The following P4HA1 variants were observed in gnomAD, a reference collection of about 807,000 sequenced individuals.
The protein encoded by P4HA1 is prolyl 4-hydroxylase subunit alpha-1.
A neutral mutation model predicts 72.8 loss-of-function variants in P4HA1; 24 were observed. The observed-to-expected ratio is 0.33, with a 90% confidence interval of 0.24 to 0.46. The LOEUF is 0.46. P4HA1 is among the 20% of genes least tolerant of loss of function. P4HA1 has a pLI of 1.00. For synonymous variants in P4HA1, 201 were observed against 218.8 expected, an observed-to-expected ratio of 0.92 and a Z score of 0.72; for missense variants, 446 against 640.6, an observed-to-expected ratio of 0.70 and a Z score of 3.28.
Position 73,047,166 on chromosome 10 carries a change from A to G in P4HA1, c.901-65T>C, listed in dbSNP as rs375986332. The G allele has an allele frequency of 3.5e-6, 4 of 1,139,818 alleles. No homozygotes were observed. In the African/African-American group the frequency reaches 6.3e-5, roughly 18 times the overall value. The allele number at this position is 1,139,818 out of a possible 1,614,324, so 70.6% of individuals were successfully genotyped here. On this transcript the variant is annotated intron_variant, in intron 7 of 14. Transcript: ENST00000394890. Reference sequence around the variant, plus strand: ...AATAATACTTTTAATATCTATTCCTATGCAGATAAGAGACAATAATCATGC... The same window carrying G: ...AATAATACTTTTAATATCTATTCCTGTGCAGATAAGAGACAATAATCATGC...
At position 73,051,122 on chromosome 10, in the gene P4HA1, C is replaced by T. The variant is rs770851545; in HGVS notation, c.831G>A (p.Gly277=). ...TCTCTGGCAGGTAATCCACAGCAAC[C>T]CCTTTTTTCTTTGGTGTAGTTTTCT... ...SDQKTTPKKK[G]VAVDYLPERQ... The change falls in exon 7 of 15, where the codon GGG becomes GGA. Residue 277 remains glycine (G), a synonymous_variant. Transcript: ENST00000394890. The T allele has an allele frequency of 3.0e-5, 48 of 1,613,904 alleles. No homozygotes were observed. The highest frequency in any genetic ancestry group is 3.8e-5 in the Non-Finnish European group (45 of 1,179,958).
At chr10:73,042,295 A>G (rs971733982) in intron 9 of P4HA1, among the ~76,000 whole-genome samples, 2 of 152,192 alleles carry the variant, frequency 1.3e-5, no homozygotes, top group Non-Finnish European at 2.9e-5. Context: ...TATAAAAGGC[A>G]TATGGTCCTG....
chr10:73,021,762 C>G (rs1360127901), intron 10 of P4HA1, among the ~76,000 whole-genome samples: 2 of 152,218 alleles, frequency 1.3e-5, no homozygotes, highest in African/African-American at 2.4e-5. Flanking sequence ...CAGACTGTAC[C>G]TGGAAAAACC....
chr10:73,022,402 G>C (rs748537931), intron 10 of P4HA1, among the ~76,000 whole-genome samples: 1 of 152,186 alleles, frequency 6.6e-6, no homozygotes, highest in African/African-American at 2.4e-5. Flanking sequence ...CTGCAGCTGA[G>C]GGACCTGACT....
At chr10:73,088,467 G>A (rs1338386188) in intron 1 of P4HA1, among the ~76,000 whole-genome samples, 1 of 152,104 alleles carries the variant, frequency 6.6e-6, no homozygotes, top group East Asian at 1.9e-4. Flanking sequence ...TACCACACAT[G>A]GGGACCATCA....
At chr10:73,059,607 G>A (rs999929695) in intron 5 of P4HA1, among the ~76,000 whole-genome samples, 15 of 151,196 alleles carry the variant, frequency 9.9e-5, no homozygotes, top group Non-Finnish European at 1.9e-4. Context: ...GCCGGGCATG[G>A]TGGCGGGCGC....
intron 5 of P4HA1, among the ~76,000 whole-genome samples, chr10:73,058,832 C>T (rs1841226863): frequency 7.1e-6 from 1 of 140,834 alleles, no homozygotes; most frequent in Non-Finnish European, 1.5e-5. Context: ...GCTAAAAATG[C>T]AGTGGTGCGA....
chr10:73,083,204 T>C (rs934042799), intron 1 of P4HA1, among the ~76,000 whole-genome samples: 12 of 152,306 alleles, frequency 7.9e-5, no homozygotes, highest in Admixed American at 3.9e-4. Context: ...TGCCATTGTT[T>C]TTACTTAACT....
At chr10:73,082,403 A>G (rs1165689118) in intron 1 of P4HA1, 1 of 152,246 alleles carries the variant, frequency 6.6e-6, no homozygotes, top group East Asian at 1.9e-4. Context: ...CTTCCAAGAA[A>G]AAGTTGTAAA....
At chr10:73,086,012 C>T (rs563981529) in intron 1 of P4HA1, among the ~76,000 whole-genome samples, 1 of 152,204 alleles carries the variant, frequency 6.6e-6, no homozygotes, top group South Asian at 2.1e-4. Context: ...CTCTTTAAAA[C>T]AAAAAGTGAC....
chr10:73,065,721 T>C (rs1841405234), intron 5 of P4HA1, among the ~76,000 whole-genome samples: 2 of 152,166 alleles, frequency 1.3e-5, no homozygotes, highest in Non-Finnish European at 2.9e-5. Context: ...ACCCTATGAT[T>C]TCTTATACCC....
intron 1 of P4HA1, among the ~76,000 whole-genome samples, chr10:73,095,642 C>A (rs1236538478): frequency 6.6e-6 from 1 of 151,976 alleles, no homozygotes; most frequent in African/African-American, 2.4e-5. Context: ...AAGCGAAAGT[C>A]CGAGAACCAC....
chr10:73,027,943 T>C (rs1840330277), intron 10 of P4HA1, among the ~76,000 whole-genome samples: 1 of 151,676 alleles, frequency 6.6e-6, no homozygotes, highest in Non-Finnish European at 1.5e-5. Context: ...AGGAAAACCA[T>C]TAGGCAGGAA....
intron 14 of P4HA1, 116 bp downstream of exon 14, chr10:73,009,691 C>T: frequency 1.8e-6 from 1 of 568,180 alleles, no homozygotes; most frequent in Non-Finnish European, 3.2e-6. Flanking sequence ...GAATCCTGTA[C>T]AATGTTAAAA....
Position 73,093,480 on chromosome 10 carries a change from AG to A in P4HA1, c.-33+3285del, listed in dbSNP as rs1332191681. Among the ~76,000 whole-genome samples, 13 of 152,200 alleles carry A rather than the reference AG, an allele frequency of 8.5e-5. No homozygotes were observed. In the East Asian group the frequency reaches 2.5e-3, roughly 30 times the overall value. On this transcript the variant is annotated intron_variant, in intron 1 of 14. Transcript: ENST00000394890. ...TTAGGTACAATACTTATTCAACTAG[AG>A]AAACTGAAGCTGTCCTAATGACAGG...
intron 13 of P4HA1, 35 bp from the exon 14 acceptor site, chr10:73,009,938 A>C (rs1839877467): frequency 5.2e-6 from 6 of 1,160,122 alleles, no homozygotes; most frequent in Non-Finnish European, 7.8e-6. Context: ...CCCCAAGTAT[A>C]CAATGCCAGG....
At chr10:73,049,535 A>C (rs749670923) in intron 7 of P4HA1, among the ~76,000 whole-genome samples, 4 of 152,216 alleles carry the variant, frequency 2.6e-5, no homozygotes, top group Non-Finnish European at 4.4e-5. Context: ...TTTTGAGGCT[A>C]AACAAAAACC....
Position 73,009,895 on chromosome 10 carries a change from A to G in P4HA1, c.1446T>C (p.Ala482=). 6.3e-7 allele frequency: 1 copy of G among 1,586,240 alleles called. No homozygotes were observed. The highest frequency in any genetic ancestry group is 8.7e-7 in the Non-Finnish European group (1 of 1,154,662). Residue 482 remains alanine, a synonymous_variant, in exon 14 of 15, where the codon GCT becomes GCC. Transcript: ENST00000394890. ...GASVWPKKGT[A]VFWYNLFASG... ...TGGCAAACAGATTATACCAGAAAAC[A>G]GCAGTTCCCTATGGAGAACAATTCA... is the stretch of plus-strand genomic sequence containing the variant.
intron 1 of P4HA1, among the ~76,000 whole-genome samples, chr10:73,089,326 A>C (rs1841981384): frequency 6.6e-6 from 1 of 152,216 alleles, no homozygotes; most frequent in South Asian, 2.1e-4. Context: ...TAACCTATTC[A>C]CTAGAGCTTT....
Sources: gnomAD v4.1 joint callset for allele counts (sites outside exome capture counted in the v4.1 genomes callset) on GRCh38, gnomAD v4.1.1 for gene constraint, MANE v1.5 for transcripts, NCBI Gene and HGNC (gene_info 2026-07-23, HGNC 2026-07-21) for gene names.